The following TTC6 variants were observed in gnomAD, a reference collection of about 807,000 sequenced individuals.
The protein encoded by TTC6 is tetratricopeptide repeat protein 6.
A neutral mutation model predicts 210.4 loss-of-function variants in TTC6; 172 were observed. The ratio of observed to expected loss-of-function variants is 0.82; its 90% CI spans 0.72 to 0.93. The LOEUF is 0.93. Among genes scored for constraint, TTC6 ranks in the 40% least tolerant of loss-of-function variants. The pLI, the probability that TTC6 is intolerant of heterozygous loss-of-function variation, is 0.00. For missense variants in TTC6, 2,414 were observed against 2,318.1 expected (o/e 1.04, Z -0.85); for synonymous variants, 804 against 819.6 (o/e 0.98, Z 0.32).
chr14:37,677,797 G>T (rs2095773630), intron 1 of TTC6, among the ~76,000 whole-genome samples: 1 of 151,804 alleles, frequency 6.6e-6, no homozygotes, highest in Non-Finnish European at 1.5e-5. Context: ...ATTTTCTTCT[G>T]CAATGTCTTT....
chr14:37,842,170 C>A, exon 31 of TTC6: 1 of 1,583,718 alleles, frequency 6.3e-7, no homozygotes, highest in Non-Finnish European at 8.6e-7. Flanking sequence ...TCTTTGAAGC[C>A]TAATGATGCT....
At chr14:37,666,933 AAAAGT>A (rs2095749350) in intron 1 of TTC6, among the ~76,000 whole-genome samples, 1 of 150,388 alleles carries the variant, frequency 6.6e-6, no homozygotes, top group African/African-American at 2.4e-5. Context: ...ATGGTGGTAT[AAAAGT>A]AAATATTATC....
intron 3 of TTC6, among the ~76,000 whole-genome samples, chr14:37,686,786 C>A (rs1444684292): frequency 6.6e-6 from 1 of 152,106 alleles, no homozygotes; most frequent in Non-Finnish European, 1.5e-5. Flanking sequence ...GAAACTGCCC[C>A]CATGATTCAC....
chr14:37,726,508 G>A (rs867059046), intron 7 of TTC6, among the ~76,000 whole-genome samples: 1 of 151,942 alleles, frequency 6.6e-6, no homozygotes, highest in African/African-American at 2.4e-5. Flanking sequence ...AATTCTGTTA[G>A]GCCATATTTT....
intron 14 of TTC6, among the ~76,000 whole-genome samples, chr14:37,757,498 C>T (rs2095971680): frequency 6.6e-6 from 1 of 152,042 alleles, no homozygotes; most frequent in Non-Finnish European, 1.5e-5. Context: ...TGATCTCGAT[C>T]TCCTGACCTC....
chr14:37,682,866 GA>G lies in TTC6; in HGVS notation c.1162del (p.Ile388PhefsTer10). On this transcript the variant is annotated frameshift_variant, in exon 3 of 31. Coordinates refer to ENST00000553443, the Ensembl canonical transcript of TTC6. LOFTEE classifies it high-confidence loss of function. The stretch of plus-strand genomic sequence containing the variant: ...AGAAAGCATAGTATTTAAACCTCAG[GA>G]AATTTCGCAAGTTCAGCCAGCAGAG... The G allele has an allele frequency of 6.5e-7, 1 of 1,535,666 alleles. No homozygotes were observed. The highest frequency in any genetic ancestry group is 2.4e-5 in the East Asian group (1 of 40,908).
At chr14:37,721,846 C>CTATATATATATATATATA (rs2095862230) in intron 6 of TTC6, among the ~76,000 whole-genome samples, 1 of 36,216 alleles carries the variant, frequency 2.8e-5, no homozygotes, top group Non-Finnish European at 6.0e-5. Flanking sequence ...GTGAGTTTCA[C>CTATATATATATATATATA]CATATATATA....
intron 1 of TTC6, among the ~76,000 whole-genome samples, chr14:37,644,082 G>A (rs184284970): frequency 2.0e-5 from 3 of 152,078 alleles, no homozygotes; most frequent in African/African-American, 7.2e-5. Context: ...ATCAGCTGTC[G>A]CTAGGACAAA....
At chr14:37,724,101 G>A (rs919544417) in intron 6 of TTC6, among the ~76,000 whole-genome samples, 1 of 152,032 alleles carries the variant, frequency 6.6e-6, no homozygotes, top group African/African-American at 2.4e-5. Flanking sequence ...CTGAGAATAT[G>A]TTAGTAAGAT....
chr14:37,630,478 C>T (rs755478066), intron 1 of TTC6, among the ~76,000 whole-genome samples: 1 of 152,118 alleles, frequency 6.6e-6, no homozygotes, highest in Non-Finnish European at 1.5e-5. Flanking sequence ...TTTGCATATG[C>T]TGAGGAGTGT....
chr14:37,706,608 A>T (rs544145920), intron 5 of TTC6, among the ~76,000 whole-genome samples: 1 of 152,166 alleles, frequency 6.6e-6, no homozygotes, highest in Non-Finnish European at 1.5e-5. Context: ...CATTGCAACC[A>T]TAATAAAGAA....
chr14:37,823,535 C>G (rs1261953227), intron 26 of TTC6, among the ~76,000 whole-genome samples: 2 of 152,154 alleles, frequency 1.3e-5, no homozygotes, highest in African/African-American at 2.4e-5. Context: ...TTCTTGCCAT[C>G]TTTCCTTTTA....
intron 14 of TTC6, among the ~76,000 whole-genome samples, chr14:37,770,737 T>C (rs1300136590): frequency 6.8e-6 from 1 of 147,494 alleles, no homozygotes; most frequent in Non-Finnish European, 1.5e-5. Context: ...AGCACACTGA[T>C]GGGTCTTGAC....
exon 1 of TTC6, chr14:37,622,230 G>A (rs1259250181): frequency 6.5e-7 from 1 of 1,535,282 alleles, no homozygotes; most frequent in African/African-American, 1.4e-5. Flanking sequence ...CAGCCTCCAT[G>A]CCCCCGGCCC....
intron 25 of TTC6, among the ~76,000 whole-genome samples, chr14:37,817,243 A>G (rs1477343668): frequency 6.6e-6 from 1 of 152,192 alleles, no homozygotes; most frequent in Admixed American, 6.5e-5. Context: ...AATAAACAAT[A>G]GAAAGAAAGT....
chr14:37,779,243 T>C (rs921503748), intron 14 of TTC6, among the ~76,000 whole-genome samples: 1 of 152,168 alleles, frequency 6.6e-6, no homozygotes, highest in African/African-American at 2.4e-5. Flanking sequence ...TTCATCTTTG[T>C]CCTCTTTCTG....
At chr14:37,615,565 A>T (rs948812079) in intron 2 of TTC6, among the ~76,000 whole-genome samples, 7 of 151,670 alleles carry the variant, frequency 4.6e-5, no homozygotes, top group Non-Finnish European at 8.8e-5. Flanking sequence ...TCCTAATCAA[A>T]TTTTTTTGAA....
At chr14:37,809,607 G>A (rs778565099) in intron 24 of TTC6, among the ~76,000 whole-genome samples, 4 of 152,114 alleles carry the variant, frequency 2.6e-5, no homozygotes, top group Non-Finnish European at 5.9e-5. Context: ...GCATTCTTTT[G>A]TTTGGTCCTC....
Position 37,820,878 on chromosome 14 carries a change from C to CCTCCTCCTT in TTC6, c.4764-2842_4764-2834dup, listed in dbSNP as rs1219527133. Among the ~76,000 whole-genome samples, 4 of 145,976 alleles carry CCTCCTCCTT rather than the reference C, an allele frequency of 2.7e-5. No homozygotes were observed. In the East Asian group the frequency reaches 6.1e-4, roughly 22 times the overall value. On this transcript the variant is annotated intron_variant, in intron 26 of 30. Coordinates refer to ENST00000553443, the Ensembl canonical transcript of TTC6. ...TGGTCTTCTTCTTCTTCCTCCTTCTCCTCCTCCTTCTCCTCCTTCTCCTCC... is the reference window on the plus strand; with the variant it reads ...TGGTCTTCTTCTTCTTCCTCCTTCTCCTCCTCCTTCTCCTCCTTCTCCTCCTTCTCCTCC...
Sources: gnomAD v4.1 joint callset for allele counts (sites outside exome capture counted in the v4.1 genomes callset) on GRCh38, gnomAD v4.1.1 for gene constraint, MANE v1.5 for transcripts, NCBI Gene and HGNC (gene_info 2026-07-23, HGNC 2026-07-21) for gene names.